Variants in ATF6 observed in about 807,000 individuals in gnomAD.
ATF6 encodes the protein activating transcription factor 6.
ATF6 carries 53 observed loss-of-function variants against 83.6 expected under a neutral mutation model. That is an observed-to-expected ratio of 0.63 (90% CI 0.51 to 0.80). ATF6 has a LOEUF of 0.80. Ranked by LOEUF, ATF6 falls within the 30% of genes least tolerant of loss-of-function variation. The pLI is 0.00. For synonymous variants in ATF6, 288 were observed against 285.8 expected, an observed-to-expected ratio of 1.01 and a Z score of -0.08; for missense variants, 744 against 797.9, an observed-to-expected ratio of 0.93 and a Z score of 0.81.
intron 14 of ATF6, among the ~76,000 whole-genome samples, chr1:161,864,305 A>C (rs1686946030): frequency 1.3e-5 from 2 of 152,156 alleles, no homozygotes; most frequent in South Asian, 4.1e-4. Flanking sequence ...AAACCCACTT[A>C]TATGCAGGGC....
chr1:161,856,881 G>A (rs1686778206), intron 12 of ATF6, among the ~76,000 whole-genome samples: 1 of 152,092 alleles, frequency 6.6e-6, no homozygotes, highest in Non-Finnish European at 1.5e-5. Context: ...TACTGTCTTT[G>A]TTCATTTGGA....
rs994697118 is a variant in ATF6 at position 161,916,332 on chromosome 1, C to A, written c.1804+3952C>A. 5.3e-5 allele frequency among the ~76,000 whole-genome samples: 8 copies of A among 152,084 alleles called. No individual in the cohort carries two copies. In the East Asian group the frequency reaches 1.5e-3, roughly 29 times the overall value. On this transcript the variant is annotated intron_variant, in intron 15 of 15. Coordinates refer to ENST00000367942, the MANE Select transcript of ATF6 (RefSeq NM_007348.4). ...GATGAGTGCAGTAAATATCTAGAGA[C>A]CCTTAAATAGATACCACCAATTGTT...
At chr1:161,859,476 A>T (rs371728191) in intron 12 of ATF6, among the ~76,000 whole-genome samples, 1 of 152,262 alleles carries the variant, frequency 6.6e-6, no homozygotes, top group African/African-American at 2.4e-5. Flanking sequence ...ATATGGACAC[A>T]GTAATGAACA....
intron 9 of ATF6, among the ~76,000 whole-genome samples, chr1:161,831,874 A>G (rs1415490518): frequency 4.6e-5 from 7 of 152,028 alleles, no homozygotes; most frequent in South Asian, 4.2e-4. Context: ...CAGCACACCA[A>G]TGTGGCACAT....
chr1:161,874,198 G>A (rs752151905), intron 14 of ATF6, among the ~76,000 whole-genome samples: 1 of 151,718 alleles, frequency 6.6e-6, no homozygotes, highest in South Asian at 2.1e-4. Flanking sequence ...TTATTTTTCA[G>A]TTAGGGTGTT....
intron 9 of ATF6, among the ~76,000 whole-genome samples, chr1:161,842,057 A>G (rs1686370894): frequency 6.6e-6 from 1 of 152,216 alleles, no homozygotes; most frequent in South Asian, 2.1e-4. Context: ...AATAGTTCTG[A>G]ATTAATTCAA....
chr1:161,958,690 C>T lies in ATF6; in HGVS notation c.*36C>T, dbSNP rs1191458269. 11 of 1,539,226 alleles carry T rather than the reference C, an allele frequency of 7.1e-6. No individual in the cohort carries two copies. In the East Asian group the frequency reaches 2.3e-4, roughly 32 times the overall value. ...CTATGCTGGAAAACTGAGCGTGGGA[C>T]CCTGCCAGACTGAAGAGCAGGTGAG... On this transcript the variant is annotated 3_prime_UTR_variant, in exon 16 of 16. Coordinates refer to ENST00000367942, the MANE Select transcript of ATF6 (RefSeq NM_007348.4).
At chr1:161,785,944 A>G (rs1248792720) in intron 4 of ATF6, among the ~76,000 whole-genome samples, 1 of 151,784 alleles carries the variant, frequency 6.6e-6, no homozygotes, top group Non-Finnish European at 1.5e-5. Flanking sequence ...ATTTCTTTTT[A>G]AAAAATGAAC....
intron 9 of ATF6, among the ~76,000 whole-genome samples, chr1:161,821,837 T>C (rs1042050752): frequency 6.6e-6 from 1 of 152,136 alleles, no homozygotes; most frequent in African/African-American, 2.4e-5. Flanking sequence ...AGAGAAAGCA[T>C]TAGAAGACTA....
Position 161,846,434 on chromosome 1 carries a change from G to C in ATF6, c.1188-15G>C, listed in dbSNP as rs1557992343. 6.3e-7 allele frequency: 1 copy of C among 1,594,048 alleles called. No individual in the cohort carries two copies. Among genetic ancestry groups the C allele is most frequent in the Non-Finnish European group, 8.5e-7 (1 of 1,171,052 alleles). ...ATTTTTATTTCAGCTATTATTTCCTGTTTTTTATTTTCAGCATGTTGGAAC... is the reference window on the plus strand; with the variant it reads ...ATTTTTATTTCAGCTATTATTTCCTCTTTTTTATTTTCAGCATGTTGGAAC... On this transcript the variant is annotated splice_polypyrimidine_tract_variant and intron_variant, in intron 9 of 15. Transcript: ENST00000367942.
chr1:161,837,714 T>TCTA (rs1686257904), intron 9 of ATF6, among the ~76,000 whole-genome samples: 1 of 152,108 alleles, frequency 6.6e-6, no homozygotes. Context: ...GATTCTTAGT[T>TCTA]GTGGAATAAG....
At chr1:161,806,882 G>A (rs1685296261) in intron 7 of ATF6, among the ~76,000 whole-genome samples, 1 of 152,164 alleles carries the variant, frequency 6.6e-6, no homozygotes, top group Non-Finnish European at 1.5e-5. Context: ...TTGGTGTACA[G>A]TTAATTTAGG....
intron 14 of ATF6, among the ~76,000 whole-genome samples, chr1:161,908,209 C>T (rs138018530): frequency 2.2e-4 from 34 of 152,202 alleles, no homozygotes; most frequent in African/African-American, 7.2e-4. Flanking sequence ...TACATAGATA[C>T]GTAGAATCAA....
intron 1 of ATF6, among the ~76,000 whole-genome samples, chr1:161,776,625 T>A (rs936409309): frequency 6.6e-6 from 1 of 152,120 alleles, no homozygotes; most frequent in African/African-American, 2.4e-5. Flanking sequence ...GATCCCAAGG[T>A]TTTTGGCCTG....
intron 15 of ATF6, among the ~76,000 whole-genome samples, chr1:161,940,965 T>A (rs1688631798): frequency 6.6e-6 from 1 of 152,222 alleles, no homozygotes; most frequent in Non-Finnish European, 1.5e-5. Context: ...CTATCCTGGA[T>A]GATACCAGTT....
At chr1:161,910,471 T>G (rs1687968147) in intron 14 of ATF6, among the ~76,000 whole-genome samples, 1 of 152,166 alleles carries the variant, frequency 6.6e-6, no homozygotes, top group Admixed American at 6.5e-5. Context: ...TGTTAGAAAT[T>G]TAGTGAAAAG....
chr1:161,927,266 G>C (rs1217307373), intron 15 of ATF6, among the ~76,000 whole-genome samples: 1 of 152,152 alleles, frequency 6.6e-6, no homozygotes, highest in Non-Finnish European at 1.5e-5. Flanking sequence ...TAGGTCTGTA[G>C]GCAAGCATTT....
rs1689115929 is a variant in ATF6, at chr1:161,962,292, A to C, written c.*3638A>C. The C allele has an allele frequency of 1.3e-5, 2 of 152,116 alleles. No homozygotes were observed. The highest frequency in any genetic ancestry group is 1.3e-4 in the Admixed American group (2 of 15,262). The allele number at this position is 152,116 out of a possible 1,614,324, so 9.4% of individuals were successfully genotyped here. On this transcript the variant is annotated 3_prime_UTR_variant, in exon 16 of 16. Transcript: ENST00000367942. ...GAAAAGGAACTTGGGATTCAAATTGATTTTTCAAATCATTTTTAAAGAGAC... is the reference window on the plus strand; with the variant it reads ...GAAAAGGAACTTGGGATTCAAATTGCTTTTTCAAATCATTTTTAAAGAGAC...
intron 14 of ATF6, among the ~76,000 whole-genome samples, chr1:161,872,259 T>G (rs577438618): frequency 7.9e-5 from 12 of 151,776 alleles, no homozygotes; most frequent in African/African-American, 2.9e-4. Context: ...CGTTTAGAAA[T>G]AGCAGTCAGA....
Sources: allele counts gnomAD v4.1 joint callset (sites outside exome capture counted in the v4.1 genomes callset), GRCh38; gene constraint gnomAD v4.1.1; transcripts MANE v1.5; gene names NCBI Gene and HGNC (gene_info 2026-07-23, HGNC 2026-07-21).